Variants in NRIP1 observed in about 807,000 individuals in gnomAD.
NRIP1 encodes the protein nuclear receptor interacting protein 1, also known as nuclear receptor-interacting protein 1.
NRIP1 carries 28 observed loss-of-function variants against 75.0 expected under a neutral mutation model. The observed-to-expected ratio is 0.37, with a 90% CI of 0.28 to 0.51. The LOEUF (loss-of-function observed/expected upper bound fraction) is 0.51, where lower values mean the gene tolerates loss of function less well. Among genes scored for constraint, NRIP1 ranks in the 20% least tolerant of loss-of-function variants. The probability of loss-of-function intolerance (pLI) is 0.92; values close to 1 mark genes in which losing one functional copy is unlikely to be tolerated. For synonymous variants in NRIP1, 526 were observed against 487.6 expected (o/e 1.08, Z -1.04); for missense variants, 1,435 against 1,343.7 (o/e 1.07, Z -1.06).
At chr21:14,999,139 GTTAATTTT>G (rs2087796663) in intron 3 of NRIP1, among the ~76,000 whole-genome samples, 1 of 152,040 alleles carries the variant, frequency 6.6e-6, no homozygotes, top group Non-Finnish European at 1.5e-5. Context: ...CAAGTAGCTA[GTTAATTTT>G]TTAATTTTTA....
At chr21:15,021,118 A>G (rs944150457) in intron 2 of NRIP1, among the ~76,000 whole-genome samples, 1 of 152,196 alleles carries the variant, frequency 6.6e-6, no homozygotes, top group African/African-American at 2.4e-5. Context: ...ACAAATGGTG[A>G]TATCAGCATC....
rs190901389 is a variant in NRIP1 at position 15,025,396 on chromosome 21, G to T, written c.-457-10930C>A. ...ACATGTCAAAAAGATACTGAAGGGG[G>T]TACTGCTGGCAAAATCAGGGACAAG... On this transcript the variant is annotated intron_variant, in intron 2 of 3. Transcript: ENST00000318948. Among the ~76,000 whole-genome samples the T allele has an allele frequency of 1.1e-3, 174 of 152,158 alleles. 1 individual carries two copies. The highest frequency in any genetic ancestry group is 4.0e-3 in the African/African-American group (164 of 41,516).
intron 1 of NRIP1, chr21:15,051,127 C>T (rs1032023429): frequency 5.7e-6 from 2 of 351,866 alleles, no homozygotes; most frequent in Admixed American, 3.9e-5. Context: ...GGCCCCTAGA[C>T]CAACACTGGG....
In NRIP1 at chr21:14,965,452, CCAG is replaced by C; in HGVS notation, c.2738_2740del (p.Ala913del). On this transcript the variant is annotated inframe_deletion, in exon 4 of 4. Coordinates refer to ENST00000318948, the MANE Select transcript of NRIP1 (RefSeq NM_003489.4). Reference sequence around the variant, plus strand: ...TTCACTTTCGCTGGCTGAGCCATGACCAGCAGGATATTTAAATTCAAGATCATT... The same window carrying C: ...TTCACTTTCGCTGGCTGAGCCATGACCAGGATATTTAAATTCAAGATCATT... 2 of 1,613,918 alleles carry C rather than the reference CCAG, an allele frequency of 1.2e-6. No individual in the cohort carries two copies. The highest frequency in any genetic ancestry group is 1.7e-6 in the Non-Finnish European group (2 of 1,179,904).
intron 3 of NRIP1, among the ~76,000 whole-genome samples, chr21:15,008,076 C>T (rs1043919306): frequency 1.2e-4 from 18 of 152,158 alleles, no homozygotes; most frequent in Non-Finnish European, 1.9e-4. Context: ...TGAAGAGCGT[C>T]GTCAGATACT....
chr21:15,061,305 A>G (rs2147429024), intron 1 of NRIP1, among the ~76,000 whole-genome samples: 1 of 152,300 alleles, frequency 6.6e-6, no homozygotes, highest in South Asian at 2.1e-4. Flanking sequence ...CACACAGAAC[A>G]AAACCCACTC....
At position 14,961,874 on chromosome 21, in the gene NRIP1, CAA is replaced by C. The variant is rs1450886372; in HGVS notation, c.*2840_*2841del. Reference sequence around the variant, plus strand: ...ACTTATACATGGAATATACAGGAACCAAAGAGATTAAAAGGCTTTTCTGTTGC... The same window carrying C: ...ACTTATACATGGAATATACAGGAACCAGAGATTAAAAGGCTTTTCTGTTGC... On this transcript the variant is annotated 3_prime_UTR_variant, in exon 4 of 4. Transcript: ENST00000318948. The C allele has an allele frequency of 4.6e-5, 7 of 151,812 alleles. No homozygotes were observed. Among genetic ancestry groups the C allele is most frequent in the African/African-American group, 2.4e-5 (1 of 41,258 alleles). 9.4% of individuals were successfully genotyped at this position (151,812 alleles called of 1,614,324 possible). A position where few individuals can be genotyped will look rare whatever the true frequency, so the allele number is the denominator to read the frequency against.
chr21:14,981,776 T>C (rs2087241838), intron 3 of NRIP1, among the ~76,000 whole-genome samples: 1 of 152,208 alleles, frequency 6.6e-6, no homozygotes, highest in Non-Finnish European at 1.5e-5. Context: ...TGTTGCTTTT[T>C]GTCTTGAGAT....
chr21:14,968,461 C>A lies in NRIP1; in HGVS notation c.-269G>T. The A allele has an allele frequency of 2.9e-6, 1 of 343,872 alleles. No homozygotes were observed. Among genetic ancestry groups the A allele is most frequent in the Admixed American group, 4.3e-5 (1 of 23,056 alleles). The allele number at this position is 343,872 out of a possible 1,614,324, so 21.3% of individuals were successfully genotyped here. A position where few individuals can be genotyped will look rare whatever the true frequency, so the allele number is the denominator to read the frequency against. On this transcript the variant is annotated 5_prime_UTR_variant, in exon 4 of 4. Coordinates refer to ENST00000318948, the MANE Select transcript of NRIP1 (RefSeq NM_003489.4). Reference sequence around the variant, plus strand: ...GTCTGTAGCAGTAAGCAGATAGAATCCTTAGTGAATATATTCCTTTTCCTT... The same window carrying A: ...GTCTGTAGCAGTAAGCAGATAGAATACTTAGTGAATATATTCCTTTTCCTT...
At chr21:14,983,989 G>A (rs997369698) in intron 3 of NRIP1, among the ~76,000 whole-genome samples, 7 of 152,202 alleles carry the variant, frequency 4.6e-5, no homozygotes, top group African/African-American at 1.7e-4. Flanking sequence ...TTTTATGCCT[G>A]CTAACACAAC....
chr21:14,976,936 T>C (rs909385), intron 3 of NRIP1, among the ~76,000 whole-genome samples: 9 of 152,052 alleles, frequency 5.9e-5, no homozygotes, highest in African/African-American at 1.9e-4. Context: ...TCCAATTGTG[T>C]CCATGAGATC....
At chr21:15,031,092 C>CTGGAAGGCGGTT (rs2147260609) in intron 2 of NRIP1, among the ~76,000 whole-genome samples, 1 of 24,948 alleles carries the variant, frequency 4.0e-5, no homozygotes, top group African/African-American at 2.1e-4. Flanking sequence ...GGAAGGCGCT[C>CTGGAAGGCGGTT]GGAGGATCAC....
In NRIP1 at chr21:14,964,644, TCTTA is replaced by T. The variant is rs1568933730; in HGVS notation, c.*68_*71del. ...TACCATGCTTTTTTTCAAATCATGC[TCTTA>T]TTTATACAGATCTCAAGTTCATACT... On this transcript the variant is annotated 3_prime_UTR_variant, in exon 4 of 4. Transcript: ENST00000318948. The T allele has an allele frequency of 2.6e-5, 29 of 1,131,888 alleles. No homozygotes were observed. Among genetic ancestry groups the T allele is most frequent in the Non-Finnish European group, 3.4e-5 (28 of 822,342 alleles). 70.1% of individuals were successfully genotyped at this position (1,131,888 alleles called of 1,614,324 possible).
intron 3 of NRIP1, among the ~76,000 whole-genome samples, chr21:15,006,768 T>C (rs2087982877): frequency 6.6e-6 from 1 of 152,192 alleles, no homozygotes. Flanking sequence ...TAATAACACC[T>C]AGTGAGTAAA....
chr21:15,037,817 G>T (rs763847887), intron 2 of NRIP1, among the ~76,000 whole-genome samples: 1 of 152,102 alleles, frequency 6.6e-6, no homozygotes, highest in Non-Finnish European at 1.5e-5. Flanking sequence ...GTGAGCAAAG[G>T]TCTTTGTTCA....
rs147755748 is a variant in NRIP1 at position 15,001,071 on chromosome 21, T to G, written c.-335+13273A>C. 4.5e-3 allele frequency among the ~76,000 whole-genome samples: 692 copies of G among 152,340 alleles called. 4 individuals carry two copies. The highest frequency in any genetic ancestry group is 6.8e-3 in the Middle Eastern group (2 of 294). ...ACAGATCTCCGGAATGTCTTCAGGA[T>G]GTATAATTACTACATACAGAACACT... On this transcript the variant is annotated intron_variant, in intron 3 of 3. Coordinates refer to ENST00000318948, the MANE Select transcript of NRIP1 (RefSeq NM_003489.4).
At position 14,966,742 on chromosome 21, in the gene NRIP1, T is replaced by C. The variant is rs2086757941; in HGVS notation, c.1451A>G (p.Gln484Arg). ...TAGCTTAGAATTCTTTGAGGTATCT[T>C]GATCTTCTTTGATATCTACATCTGG... ...KVPDVDIKED[Q>R]DTSKNSKLNS... Residue 484 changes from glutamine (Q) to arginine (R), a missense_variant, in exon 4 of 4, where the codon CAA becomes CGA. Physicochemically the swap from Gln to Arg is conservative, Grantham distance 43. Coordinates refer to ENST00000318948, the MANE Select transcript of NRIP1 (RefSeq NM_003489.4). The C allele has an allele frequency of 4.3e-6, 7 of 1,614,010 alleles. No individual in the cohort carries two copies. The highest frequency in any genetic ancestry group is 5.9e-6 in the Non-Finnish European group (7 of 1,180,014).
chr21:15,014,665 A>C (rs148314880), intron 2 of NRIP1, among the ~76,000 whole-genome samples, 199 bp from the exon 3 acceptor site: 3 of 152,244 alleles, frequency 2.0e-5, no homozygotes, highest in African/African-American at 7.2e-5. Flanking sequence ...CTAGGTAATA[A>C]TCGATAAAAG....
intron 3 of NRIP1, among the ~76,000 whole-genome samples, chr21:14,990,118 C>T (rs2087528079): frequency 6.6e-6 from 1 of 152,120 alleles, no homozygotes; most frequent in Admixed American, 6.5e-5. Context: ...CAAGTGGGTT[C>T]AGTCACGATT....
Sources: allele counts gnomAD v4.1 joint callset (sites outside exome capture counted in the v4.1 genomes callset), GRCh38; gene constraint gnomAD v4.1.1; transcripts MANE v1.5; gene names NCBI Gene and HGNC (gene_info 2026-07-23, HGNC 2026-07-21).